The following SLC6A4 variants were observed in gnomAD, a reference collection of about 807,000 sequenced individuals.
SLC6A4 encodes the protein solute carrier family 6 member 4.
Under a neutral mutation model 73.4 loss-of-function variants are expected in SLC6A4, and 22 were observed. That is an observed-to-expected ratio of 0.30 (90% CI 0.21 to 0.43). The LOEUF (loss-of-function observed/expected upper bound fraction) is 0.43, where lower values mean the gene tolerates loss of function less well. Ranked by LOEUF, SLC6A4 falls within the 20% of genes least tolerant of loss-of-function variation. SLC6A4 has a pLI of 1.00. For missense variants in SLC6A4, 593 were observed against 808.5 expected, an observed-to-expected ratio of 0.73 and a Z score of 3.23; for synonymous variants, 270 against 315.5, an observed-to-expected ratio of 0.86 and a Z score of 1.53.
intron 4 of SLC6A4, 149 bp from the exon 5 acceptor site, chr17:30,218,486 C>T: frequency 1.5e-6 from 1 of 668,264 alleles, no homozygotes; most frequent in Non-Finnish European, 2.6e-6. Context: ...GACTCCAGGC[C>T]ACCGTGGGAA....
chr17:30,234,535 A>T, intron 1 of SLC6A4, among the ~76,000 whole-genome samples: 1 of 152,186 alleles, frequency 6.6e-6, no homozygotes, highest in East Asian at 1.9e-4. Context: ...AATGGGACAA[A>T]GAGTCAAAGC....
chr17:30,224,649 A>T (rs1325340367), intron 1 of SLC6A4, among the ~76,000 whole-genome samples: 1 of 152,172 alleles, frequency 6.6e-6, no homozygotes, highest in African/African-American at 2.4e-5. Context: ...GGGTCTACGG[A>T]AGGGAAATGC....
At position 30,198,487 on chromosome 17, in the gene SLC6A4, G is replaced by A. The variant is rs200126594; in HGVS notation, c.1862C>T (p.Pro621Leu). ...AGCATTCAAGCGGATGTCCCCACAAGGAATTTCTGTTGGTGTTTCTGGGGT... is the reference window on the plus strand; with the variant it reads ...AGCATTCAAGCGGATGTCCCCACAAAGAATTTCTGTTGGTGTTTCTGGGGT... The part of the protein sequence containing the change: ...SITPETPTEI[P>L]CGDIRLNAV The change falls in exon 15 of 15, where the codon CCT becomes CTT. Residue 621 changes from proline to leucine, a missense_variant. By Grantham distance (98) the Pro-to-Leu change is moderately conservative (BLOSUM62 -3). Transcript: ENST00000650711. 3 of 1,607,334 alleles carry A rather than the reference G, an allele frequency of 1.9e-6. No homozygotes were observed. Among genetic ancestry groups the A allele is most frequent in the Non-Finnish European group, 2.6e-6 (3 of 1,174,252 alleles).
chr17:30,216,608 GA>G (rs557448054), intron 6 of SLC6A4, among the ~76,000 whole-genome samples: 4,429 of 144,826 alleles, frequency 0.031, 71 homozygotes, highest in Middle Eastern at 0.064. Flanking sequence ...AAGGAATCTT[GA>G]AAAAAAAAAA....
At chr17:30,215,284 C>T (rs1251892650) in intron 8 of SLC6A4, among the ~76,000 whole-genome samples, 1 of 152,190 alleles carries the variant, frequency 6.6e-6, no homozygotes, top group Non-Finnish European at 1.5e-5. Flanking sequence ...CTCAGGTGAT[C>T]CACCTGCCTT....
At chr17:30,226,300 C>T (rs138209319) in intron 1 of SLC6A4, among the ~76,000 whole-genome samples, 4 of 152,300 alleles carry the variant, frequency 2.6e-5, no homozygotes, top group South Asian at 2.1e-4. Flanking sequence ...AATTATGGAA[C>T]GCTGGTGCCG....
intron 1 of SLC6A4, among the ~76,000 whole-genome samples, chr17:30,230,130 AGGAGGAG>A (rs1567824248): frequency 3.3e-5 from 5 of 149,916 alleles, no homozygotes; most frequent in African/African-American, 1.3e-4. Context: ...GAAGAGGAGG[AGGAGGAG>A]GAGGAGGAGG....
At chr17:30,202,018 G>C (rs917437263) in intron 14 of SLC6A4, among the ~76,000 whole-genome samples, 7 of 152,098 alleles carry the variant, frequency 4.6e-5, no homozygotes, top group African/African-American at 1.2e-4. Context: ...CCTGAGCCCA[G>C]GAGTTTGAGG....
Position 30,211,923 on chromosome 17 carries a change from A to G in SLC6A4, c.1205-499T>C, listed in dbSNP as rs1299810124. 2.6e-5 allele frequency among the ~76,000 whole-genome samples: 4 copies of G among 152,154 alleles called. No homozygotes were observed. The highest frequency in any genetic ancestry group is 2.1e-4 in the South Asian group (1 of 4,820). On this transcript the variant is annotated intron_variant, in intron 9 of 14. Transcript: ENST00000650711. This position sits in a 1 kb window ranked among gnomAD's most constrained non-coding sequence, Gnocchi z 4.0. Reference sequence around the variant, plus strand: ...AGTCCCTTTTGAAAGTGTGAGGGACATGTCTTCAGCCTCTCATGGGTTAGC... The same window carrying G: ...AGTCCCTTTTGAAAGTGTGAGGGACGTGTCTTCAGCCTCTCATGGGTTAGC...
At position 30,218,154 on chromosome 17, in the gene SLC6A4, G is replaced by A. The variant is rs1201529504; in HGVS notation, c.662C>T (p.Thr221Ile). The A allele has an allele frequency of 2.5e-6, 4 of 1,614,224 alleles. No individual in the cohort carries two copies. Among genetic ancestry groups the A allele is most frequent in the Non-Finnish European group, 3.4e-6 (4 of 1,180,028 alleles). Residue 221 changes from threonine (T) to isoleucine (I), a missense_variant, in exon 5 of 15, where the codon ACC becomes ATC. Physicochemically the swap from Thr to Ile is moderately conservative, Grantham distance 89. Coordinates refer to ENST00000650711, the MANE Select transcript of SLC6A4 (RefSeq NM_001045.6). ...TTCAGCAGGGGACGTGGAATGGAGG[G>A]TCCAGGTGATGTTGTCCTCGGAGAA... is the stretch of plus-strand genomic sequence containing the variant. ...NYFSEDNITW[T>I]LHSTSPAEEF...
intron 14 of SLC6A4, among the ~76,000 whole-genome samples, chr17:30,200,721 G>A (rs1396057180): frequency 2.0e-5 from 3 of 152,202 alleles, no homozygotes; most frequent in Non-Finnish European, 2.9e-5. Context: ...GATTAAACAT[G>A]CACATGGGCA....
intron 13 of SLC6A4, chr17:30,203,608 C>A: frequency 2.3e-6 from 1 of 427,056 alleles, no homozygotes; most frequent in South Asian, 2.7e-5. Flanking sequence ...TACAGCTGCC[C>A]CTACAGTCGG....
At chr17:30,213,302 C>CTTTTTTTT (rs3034289) in intron 8 of SLC6A4, among the ~76,000 whole-genome samples, 1 of 129,812 alleles carries the variant, frequency 7.7e-6, no homozygotes. Flanking sequence ...ATTTTTTTTT[C>CTTTTTTTT]TTTTTTTTTT....
intron 1 of SLC6A4, among the ~76,000 whole-genome samples, chr17:30,226,552 T>A (rs1216984163): frequency 6.6e-6 from 1 of 152,096 alleles, no homozygotes; most frequent in Non-Finnish European, 1.5e-5. Flanking sequence ...ATACAAAAAG[T>A]AGCTGGGTGT....
At chr17:30,233,351 G>C (rs1034081824) in intron 1 of SLC6A4, among the ~76,000 whole-genome samples, 19 of 152,166 alleles carry the variant, frequency 1.2e-4, no homozygotes, top group South Asian at 2.1e-4. Context: ...TGGGCAGCTG[G>C]GGAGTCGGGT....
rs199504078 is a variant in SLC6A4, at chr17:30,198,295, A to G, written c.*161T>C. On this transcript the variant is annotated 3_prime_UTR_variant, in exon 15 of 15. Transcript: ENST00000650711. ...GGAATCCATGGAAATAAGTGGCTGG[A>G]GGCCTTGAGTCTGGGCACCAGACTG... The G allele has an allele frequency of 7.4e-6, 4 of 537,350 alleles. No homozygotes were observed. The highest frequency in any genetic ancestry group is 1.9e-5 in the African/African-American group (1 of 51,608). The allele number at this position is 537,350 out of a possible 1,614,324, so 33.3% of individuals were successfully genotyped here.
rs1905835109 is a variant in SLC6A4, at chr17:30,195,691, A to C, written c.*2765T>G. 6.6e-6 allele frequency: 1 copy of C among 152,210 alleles called. No homozygotes were observed. The highest frequency in any genetic ancestry group is 2.1e-4 in the South Asian group (1 of 4,828). The allele number at this position is 152,210 out of a possible 1,614,324, so 9.4% of individuals were successfully genotyped here. A position where few individuals can be genotyped will look rare whatever the true frequency, so the allele number is the denominator to read the frequency against. On this transcript the variant is annotated 3_prime_UTR_variant, in exon 15 of 15. Transcript: ENST00000650711. ...CCTCTAATGGCATTATCTGACCTTTAAAATATTATTATCATTAAAATTTAG... is the reference window on the plus strand; with the variant it reads ...CCTCTAATGGCATTATCTGACCTTTCAAATATTATTATCATTAAAATTTAG...
chr17:30,222,864 C>T lies in SLC6A4; in HGVS notation c.-169G>A. 7.7e-7 allele frequency: 1 copy of T among 1,303,928 alleles called. No homozygotes were observed. The highest frequency in any genetic ancestry group is 1.0e-6 in the Non-Finnish European group (1 of 988,418). The allele number at this position is 1,303,928 out of a possible 1,614,324, so 80.8% of individuals were successfully genotyped here. A position where few individuals can be genotyped will look rare whatever the true frequency, so the allele number is the denominator to read the frequency against. On this transcript the variant is annotated 5_prime_UTR_variant, in exon 2 of 15. Coordinates refer to ENST00000650711, the MANE Select transcript of SLC6A4 (RefSeq NM_001045.6). ...TGCCAGCAACTCCTGTGGCTAAGCC[C>T]CTTGTTATTCTGCAAGAGAGGGCAA... is the stretch of plus-strand genomic sequence containing the variant.
At chr17:30,215,193 A>C (rs4340379) in intron 8 of SLC6A4, among the ~76,000 whole-genome samples, 118,376 of 151,918 alleles carry the variant, frequency 0.78, 46,541 homozygotes, top group East Asian at 0.9. Context: ...CAGGTGTGCA[A>C]CACCATGCCT....
Sources: gnomAD v4.1 joint callset for allele counts (sites outside exome capture counted in the v4.1 genomes callset) on GRCh38, gnomAD v4.1.1 for gene constraint, Gnocchi (gnomAD v3.1) non-coding constraint, MANE v1.5 for transcripts, NCBI Gene and HGNC (gene_info 2026-07-23, HGNC 2026-07-21) for gene names.